Variants in FER1L6 observed in about 807,000 individuals in gnomAD.
The protein encoded by FER1L6 is fer-1 like family member 6, also known as fer-1-like protein 6.
FER1L6 carries 177 observed loss-of-function variants against 219.2 expected under a neutral mutation model. That is an observed-to-expected ratio of 0.81 (90% CI 0.71 to 0.91). FER1L6 has a LOEUF of 0.91. Among genes scored for constraint, FER1L6 ranks in the 40% least tolerant of loss-of-function variants. The pLI is 0.00. For missense variants in FER1L6, 2,153 were observed against 2,259.9 expected (o/e 0.95, Z 0.96); for synonymous variants, 768 against 824.3 (o/e 0.93, Z 1.17).
chr8:124,119,679 CA>C lies in FER1L6; in HGVS notation c.5468del (p.Lys1823SerfsTer48), dbSNP rs1369383113. 6.2e-7 allele frequency: 1 copy of C among 1,613,408 alleles called. No homozygotes were observed. Among genetic ancestry groups the C allele is most frequent in the Non-Finnish European group, 8.5e-7 (1 of 1,179,350 alleles). ...CLYYLIWKNY[K>X]KYIIIAFILI... ...TGTACTACCTCATCTGGAAGAATTA[CA>C]AAAAGTACATCATCATTGCTTTCAT... On this transcript the variant is annotated frameshift_variant, in exon 41 of 41. Transcript: ENST00000522917. LOFTEE classifies it high-confidence loss of function.
chr8:124,108,608 G>A lies in FER1L6; in HGVS notation c.5289+5299G>A, dbSNP rs183514117. ...AAATGTAAGAAAAAAGATGGGGCTG[G>A]GTGTGGTGGCTCATACCTGTAATCC... On this transcript the variant is annotated intron_variant, in intron 39 of 40. Transcript: ENST00000522917. 5.0e-4 allele frequency among the ~76,000 whole-genome samples: 76 copies of A among 152,226 alleles called. 1 individual carries two copies. Among genetic ancestry groups the A allele is most frequent in the Non-Finnish European group, 1.8e-4 (12 of 68,028 alleles).
chr8:123,895,544 G>A (rs1315262142), intron 1 of FER1L6, among the ~76,000 whole-genome samples: 2 of 152,142 alleles, frequency 1.3e-5, no homozygotes, highest in African/African-American at 2.4e-5. Flanking sequence ...CCCACAGCTC[G>A]TAGGTCGCGG....
chr8:124,063,880 T>C (rs1054702328), intron 25 of FER1L6, among the ~76,000 whole-genome samples: 2 of 152,128 alleles, frequency 1.3e-5, no homozygotes, highest in African/African-American at 2.4e-5. Flanking sequence ...GTTAAGAATC[T>C]CATGAACTCT....
Position 124,111,988 on chromosome 8 carries a change from A to G in FER1L6, c.5290-6856A>G, listed in dbSNP as rs1413032931. On this transcript the variant is annotated intron_variant, in intron 39 of 40. Transcript: ENST00000522917. The surrounding 1 kb of genome is among the most constrained non-coding windows in gnomAD (Gnocchi z 5.0). Reference sequence around the variant, plus strand: ...TTTCCCCCTTAAGTAACCAATAACCATATTAAGAAAATAACTTTCTCCTAA... The same window carrying G: ...TTTCCCCCTTAAGTAACCAATAACCGTATTAAGAAAATAACTTTCTCCTAA... Among the ~76,000 whole-genome samples the G allele has an allele frequency of 2.0e-5, 3 of 152,158 alleles. No homozygotes were observed. The highest frequency in any genetic ancestry group is 4.4e-5 in the Non-Finnish European group (3 of 68,020).
chr8:124,014,559 G>T (rs1818089491), intron 15 of FER1L6: 1 of 152,618 alleles, frequency 6.6e-6, no homozygotes, highest in South Asian at 2.1e-4. Context: ...GAGGGTCAGA[G>T]AGACAGGGAG....
At chr8:123,882,178 C>T (rs904240348) in intron 1 of FER1L6, among the ~76,000 whole-genome samples, 3 of 147,798 alleles carry the variant, frequency 2.0e-5, no homozygotes, top group African/African-American at 7.6e-5. Context: ...CCCACAAAAC[C>T]ACATTTTTTT....
intron 19 of FER1L6, among the ~76,000 whole-genome samples, chr8:124,038,468 T>A (rs1750741997): frequency 6.6e-6 from 1 of 152,184 alleles, no homozygotes; most frequent in South Asian, 2.1e-4. Context: ...TCCTGACATT[T>A]TTCCTTTGCA....
At chr8:123,895,957 C>G (rs955628400) in intron 1 of FER1L6, among the ~76,000 whole-genome samples, 1 of 152,054 alleles carries the variant, frequency 6.6e-6, no homozygotes, top group Non-Finnish European at 1.5e-5. Flanking sequence ...TTATTGATAC[C>G]GGGTTCAAAG....
chr8:123,986,633 A>C (rs1816598577), intron 12 of FER1L6, among the ~76,000 whole-genome samples: 1 of 152,080 alleles, frequency 6.6e-6, no homozygotes, highest in African/African-American at 2.4e-5. Flanking sequence ...TTTTGTACCC[A>C]TTAACCATCT....
In FER1L6 at chr8:124,060,703, C is replaced by G; in HGVS notation, c.3141C>G (p.Phe1047Leu). 6.2e-7 allele frequency: 1 copy of G among 1,613,604 alleles called. No individual in the cohort carries two copies. Among genetic ancestry groups the G allele is most frequent in the Non-Finnish European group, 8.5e-7 (1 of 1,179,610 alleles). The change falls in exon 24 of 41, where the codon TTC (phenylalanine) becomes TTG (leucine). Residue 1047 changes from phenylalanine to leucine, a missense_variant. Coordinates refer to ENST00000522917, the MANE Select transcript of FER1L6 (RefSeq NM_001039112.2). ...ACTTCAGCATCCAGGCAGACGCTTT[C>G]GAAGTGGTGCGAGCTTCTCACTCTC... ...NPNFSIQADA[F>L]EVELPENELL...
chr8:124,071,659 G>A (rs199833787), intron 31 of FER1L6, 28 bp downstream of exon 31: 129 of 1,600,570 alleles, frequency 8.1e-5, no homozygotes, highest in Non-Finnish European at 1.0e-4. Context: ...GCTCTGAGGG[G>A]GTGTATTTAT....
At chr8:124,105,313 C>T (rs780995287) in intron 39 of FER1L6, among the ~76,000 whole-genome samples, 17 of 152,150 alleles carry the variant, frequency 1.1e-4, no homozygotes, top group Non-Finnish European at 1.5e-4. Context: ...TGCATGAGGG[C>T]AGTGCTGGTG....
intron 1 of FER1L6, among the ~76,000 whole-genome samples, chr8:123,924,454 A>G (rs1178238455): frequency 6.6e-6 from 1 of 151,992 alleles, no homozygotes; most frequent in South Asian, 2.1e-4. Flanking sequence ...AGGCAGGAGA[A>G]TCGCTTGAAC....
At chr8:123,929,981 G>A (rs1813708970) in intron 1 of FER1L6, among the ~76,000 whole-genome samples, 1 of 137,290 alleles carries the variant, frequency 7.3e-6, no homozygotes, top group African/African-American at 2.9e-5. Context: ...TTTTTTTTTA[G>A]AATTGAAATT....
chr8:124,077,396 T>G (rs1586674985), intron 32 of FER1L6, among the ~76,000 whole-genome samples: 2 of 152,364 alleles, frequency 1.3e-5, no homozygotes, highest in African/African-American at 4.8e-5. Flanking sequence ...CTCCATTGGC[T>G]CCATTTAAAT....
chr8:124,071,942 C>T (rs1475039660), intron 31 of FER1L6, among the ~76,000 whole-genome samples: 1 of 152,162 alleles, frequency 6.6e-6, no homozygotes, highest in Admixed American at 6.5e-5. Flanking sequence ...ATTAGAGCAG[C>T]ACCACTATGA....
chr8:124,090,807 A>C (rs1368269518), intron 33 of FER1L6, among the ~76,000 whole-genome samples: 1 of 152,178 alleles, frequency 6.6e-6, no homozygotes, highest in Non-Finnish European at 1.5e-5. Context: ...TCAAGACTCT[A>C]TCTGTGACAT....
intron 22 of FER1L6, among the ~76,000 whole-genome samples, chr8:124,055,929 G>T (rs951103294): frequency 1.3e-5 from 2 of 151,968 alleles, no homozygotes; most frequent in African/African-American, 4.8e-5. Flanking sequence ...TTACCTTCAA[G>T]CCAGCCAGAC....
chr8:124,072,882 A>G (rs1264560242), intron 31 of FER1L6, among the ~76,000 whole-genome samples: 2 of 152,124 alleles, frequency 1.3e-5, no homozygotes, highest in Non-Finnish European at 2.9e-5. Flanking sequence ...AGAAACAGGC[A>G]CTCCTTAGCA....
Sources: allele counts gnomAD v4.1 joint callset (sites outside exome capture counted in the v4.1 genomes callset), GRCh38; gene constraint gnomAD v4.1.1; non-coding constraint Gnocchi (gnomAD v3.1); transcripts MANE v1.5; gene names NCBI Gene and HGNC (gene_info 2026-07-23, HGNC 2026-07-21).